Variants in SCN2A observed in about 807,000 individuals in gnomAD.
SCN2A encodes sodium voltage-gated channel alpha subunit 2, also known as sodium channel protein type 2 subunit alpha.
In SCN2A, 20 loss-of-function variants were observed where a neutral mutation model predicts 188.7. The ratio of observed to expected loss-of-function variants is 0.11; its 90% confidence interval spans 0.07 to 0.15. The LOEUF (loss-of-function observed/expected upper bound fraction) is 0.15, where lower values mean the gene tolerates loss of function less well. Ranked by LOEUF, SCN2A falls within the 10% of genes least tolerant of loss-of-function variation. The pLI is 1.00. For missense variants in SCN2A, 1,278 were observed against 2,445.0 expected (o/e 0.52, Z 10.07); for synonymous variants, 804 against 833.1 (o/e 0.97, Z 0.60).
intron 11 of SCN2A, among the ~76,000 whole-genome samples, chr2:165,319,680 G>C (rs1181795091): frequency 6.6e-6 from 1 of 152,134 alleles, no homozygotes; most frequent in Non-Finnish European, 1.5e-5. Flanking sequence ...AGCAAAGAGA[G>C]AGTGAAAGCC....
At chr2:165,291,436 CTCTT>C (rs1220470911) in intron 1 of SCN2A, among the ~76,000 whole-genome samples, 66 of 65,426 alleles carry the variant, frequency 1.0e-3, no homozygotes, top group African/African-American at 2.1e-3. Flanking sequence ...GTCTTTCTTT[CTCTT>C]TCTTTCTTTC....
At chr2:165,269,044 A>T (rs565949993) in intron 1 of SCN2A, 2 of 152,116 alleles carry the variant, frequency 1.3e-5, no homozygotes, top group East Asian at 3.9e-4. Flanking sequence ...ACAAAAGTTC[A>T]GTTAAACAGG....
chr2:165,272,090 A>T (rs1274539843), intron 1 of SCN2A: 1 of 152,050 alleles, frequency 6.6e-6, no homozygotes, highest in East Asian at 1.9e-4. Flanking sequence ...CTGGATAAAG[A>T]GCAAAGTTCA....
intron 1 of SCN2A, among the ~76,000 whole-genome samples, chr2:165,283,125 G>C (rs1159670596): frequency 6.6e-6 from 1 of 152,182 alleles, no homozygotes; most frequent in South Asian, 2.1e-4. Flanking sequence ...AAAGGAAAGG[G>C]AGTGAAACAA....
chr2:165,370,093 T>C, intron 19 of SCN2A, 33 bp from the exon 20 acceptor site: 1 of 1,583,048 alleles, frequency 6.3e-7, no homozygotes, highest in Middle Eastern at 1.7e-4. Flanking sequence ...CTGTTTCTGA[T>C]CATAAAATTT....
intron 2 of SCN2A, chr2:165,296,295 G>C: frequency 1.7e-6 from 1 of 594,188 alleles, no homozygotes; most frequent in Non-Finnish European, 3.0e-6. Context: ...GAGACAGGCA[G>C]AGAACTGGTG....
chr2:165,382,809 T>G (rs1574736797), intron 25 of SCN2A, among the ~76,000 whole-genome samples: 2 of 152,220 alleles, frequency 1.3e-5, no homozygotes, highest in Non-Finnish European at 2.9e-5. Flanking sequence ...CAGAACAAAA[T>G]TCAATTGAGC....
chr2:165,386,830 G>A lies in SCN2A; in HGVS notation c.4636G>A (p.Val1546Ile). 1 of 1,613,842 alleles carries A rather than the reference G, an allele frequency of 6.2e-7. No homozygotes were observed. Among genetic ancestry groups the A allele is most frequent in the Non-Finnish European group, 8.5e-7 (1 of 1,179,882 alleles). ...SIMILICLNM[V>I]TMMVETDDQS... is the part of the protein sequence containing the mutation. ...CATGATCCTCATCTGCCTTAACATG[G>A]TCACCATGATGGTGGAAACCGATGA... Residue 1546 changes from valine to isoleucine, a missense_variant, in exon 26 of 27, where the codon GTC becomes ATC. Val to Ile is a conservative substitution (Grantham distance 29). This residue lies in a region of SCN2A where 97 missense variants were observed against 266.1 expected (regional missense o/e 0.36). Transcript: ENST00000375437.
chr2:165,327,388 G>A (rs1698414486), intron 13 of SCN2A: 2 of 203,518 alleles, frequency 9.8e-6, no homozygotes, highest in South Asian at 7.8e-5. Flanking sequence ...AATTAAAAAT[G>A]TGAATTAGGG....
chr2:165,268,360 C>T (rs891720581), intron 1 of SCN2A: 6 of 151,740 alleles, frequency 4.0e-5, no homozygotes, highest in Admixed American at 2.0e-4. Context: ...GTTTCATACC[C>T]GGGATGCAGG....
intron 11 of SCN2A, among the ~76,000 whole-genome samples, chr2:165,317,237 T>C (rs1366547665): frequency 3.3e-5 from 5 of 152,074 alleles, no homozygotes; most frequent in South Asian, 2.1e-4. Context: ...GTCTCTTTCA[T>C]TTTGTTGTCA....
At chr2:165,375,425 G>A (rs977098992) in intron 22 of SCN2A, among the ~76,000 whole-genome samples, 6 of 151,322 alleles carry the variant, frequency 4.0e-5, no homozygotes, top group Admixed American at 6.6e-5. Flanking sequence ...ATACACACAC[G>A]TATTTCTATA....
rs2304013 is a variant in SCN2A, at chr2:165,370,540, T to G, written c.3849+241T>G. On this transcript the variant is annotated intron_variant, in intron 20 of 26. Transcript: ENST00000375437. ...TATTCACTTAATTTCAAATTAATATTTAAAATCTCAAGTTATGCAAAATAA... is the reference window on the plus strand; with the variant it reads ...TATTCACTTAATTTCAAATTAATATGTAAAATCTCAAGTTATGCAAAATAA... 97,524 of 412,136 alleles carry G rather than the reference T, an allele frequency of 0.24. 12,806 individuals carry two copies. The highest frequency in any genetic ancestry group is 0.32 in the East Asian group (8,595 of 27,002). The allele number at this position is 412,136 out of a possible 1,614,324, so 25.5% of individuals were successfully genotyped here. A position where few individuals can be genotyped will look rare whatever the true frequency, so the allele number is the denominator to read the frequency against.
At chr2:165,328,602 C>A in intron 13 of SCN2A, 3 of 742,604 alleles carry the variant, frequency 4.0e-6, no homozygotes, top group Non-Finnish European at 4.9e-6. Context: ...CTAAATAAGA[C>A]ATTACTTAAA....
At chr2:165,252,855 G>A (rs967996705) in intron 1 of SCN2A, among the ~76,000 whole-genome samples, 1 of 152,020 alleles carries the variant, frequency 6.6e-6, no homozygotes, top group Non-Finnish European at 1.5e-5. Flanking sequence ...GACTATGTAA[G>A]GGGAGGGGGG....
chr2:165,258,400 G>A (rs1011078960), intron 1 of SCN2A, among the ~76,000 whole-genome samples: 1 of 152,114 alleles, frequency 6.6e-6, no homozygotes, highest in Non-Finnish European at 1.5e-5. Context: ...AGTTATCCCA[G>A]CATTGTTTAT....
At chr2:165,325,622 T>C (rs1170847833) in intron 12 of SCN2A, among the ~76,000 whole-genome samples, 1 of 152,150 alleles carries the variant, frequency 6.6e-6, no homozygotes, top group Non-Finnish European at 1.5e-5. Context: ...GATCTTCATG[T>C]GACTATTTTT....
chr2:165,260,301 G>A (rs1206159189), intron 1 of SCN2A, among the ~76,000 whole-genome samples: 4 of 152,054 alleles, frequency 2.6e-5, no homozygotes, highest in East Asian at 1.9e-4. Flanking sequence ...CATGGAGTGC[G>A]GGCATGAAAA....
rs28611420 is a variant in SCN2A, at chr2:165,386,487, A to G, written c.4552-259A>G. On this transcript the variant is annotated intron_variant, in intron 25 of 26. Transcript: ENST00000375437. ...TCAAAAAATAAAAAAAATTAAAAAA[A>G]AGAGAGAGAGATAAGATTTGAGATC... Among the ~76,000 whole-genome samples, 6,032 of 152,030 alleles carry G rather than the reference A, an allele frequency of 0.04. 389 individuals carry two copies. Among genetic ancestry groups the G allele is most frequent in the African/African-American group, 0.14 (5,601 of 41,452 alleles).
Sources: gnomAD v4.1 joint callset for allele counts (sites outside exome capture counted in the v4.1 genomes callset) on GRCh38, gnomAD v4.1.1 for gene constraint, gnomAD v4.1.1 regional missense constraint, MANE v1.5 for transcripts, NCBI Gene and HGNC (gene_info 2026-07-23, HGNC 2026-07-21) for gene names.